The following SNX8 variants were observed in gnomAD, a reference collection of about 807,000 sequenced individuals.
SNX8 encodes the protein sorting nexin-8.
Under a neutral mutation model 51.6 loss-of-function variants are expected in SNX8, and 25 were observed. The ratio of observed to expected loss-of-function variants is 0.48; its 90% CI spans 0.35 to 0.68. The LOEUF (loss-of-function observed/expected upper bound fraction) is 0.68. Among genes scored for constraint, SNX8 ranks in the 30% least tolerant of loss-of-function variants. SNX8 has a pLI of 0.00. For synonymous variants in SNX8, 324 were observed against 277.0 expected, an observed-to-expected ratio of 1.17 and a Z score of -1.68; for missense variants, 695 against 624.0, an observed-to-expected ratio of 1.11 and a Z score of -1.21.
chr7:2,264,991 C>T (rs1433490542), intron 5 of SNX8, among the ~76,000 whole-genome samples: 3 of 152,092 alleles, frequency 2.0e-5, no homozygotes, highest in South Asian at 2.1e-4. Flanking sequence ...GCTGAGATCG[C>T]GCAACCACAC....
intron 1 of SNX8, among the ~76,000 whole-genome samples, chr7:2,340,906 G>C (rs954017729): frequency 6.8e-6 from 1 of 147,262 alleles, no homozygotes; most frequent in East Asian, 2.0e-4. Context: ...ATCAGTACTC[G>C]GGTACAGTGG....
intron 1 of SNX8, among the ~76,000 whole-genome samples, chr7:2,290,783 A>C (rs1562441584): frequency 6.6e-6 from 1 of 152,160 alleles, no homozygotes; most frequent in Non-Finnish European, 1.5e-5. Context: ...TGCCACACTG[A>C]GTCCCGAGAG....
intron 1 of SNX8, among the ~76,000 whole-genome samples, chr7:2,313,693 T>A (rs1562453965): frequency 6.6e-6 from 1 of 150,908 alleles, no homozygotes; most frequent in Admixed American, 6.6e-5. Context: ...CAAGATCCCA[T>A]CTCTACAAAA....
At chr7:2,310,046 G>A in intron 1 of SNX8, 1 of 368,348 alleles carries the variant, frequency 2.7e-6, no homozygotes, top group South Asian at 2.0e-5. Context: ...AGTGAAGCGT[G>A]ACTCACCCTC....
intron 1 of SNX8, among the ~76,000 whole-genome samples, chr7:2,342,050 GA>G (rs1305233939): frequency 6.7e-6 from 1 of 148,782 alleles, no homozygotes; most frequent in Non-Finnish European, 1.5e-5. Context: ...ACAAGATCAG[GA>G]GATTGATCCT....
intron 1 of SNX8, among the ~76,000 whole-genome samples, chr7:2,331,705 A>AAAATAAATAAATAAATAAAT (rs61385746): frequency 1.6e-4 from 23 of 145,604 alleles, no homozygotes; most frequent in African/African-American, 5.8e-4. Context: ...ACTCCGTCTC[A>AAAATAAATAAATAAATAAAT]AAATAAATAA....
rs774313343 is a variant in SNX8 at position 2,275,215 on chromosome 7, C to G, written c.315G>C (p.Ser105=). The G allele has an allele frequency of 4.3e-6, 7 of 1,613,356 alleles. No individual in the cohort carries two copies. Among genetic ancestry groups the G allele is most frequent in the Non-Finnish European group, 5.9e-6 (7 of 1,179,450 alleles). ...YEVSSQRFKS[S]VYRRYNDFVV... is the part of the protein sequence containing the mutation. ...CGAAGTCATTGTACCGTCTGTATAC[C>G]GAGGACTTGAAGCGCTGCAAGAGAA... is the stretch of plus-strand genomic sequence containing the variant. The change falls in exon 3 of 11, where the codon TCG becomes TCC. Residue 105 remains serine (S), a synonymous_variant. Transcript: ENST00000222990.
intron 1 of SNX8, among the ~76,000 whole-genome samples, chr7:2,304,388 C>T (rs1796498020): frequency 7.4e-6 from 1 of 134,644 alleles, no homozygotes; most frequent in African/African-American, 2.7e-5. Context: ...ACTAAAAATA[C>T]AAAAAATTAG....
Position 2,252,144 on chromosome 7 carries a change from C to G in SNX8, c.*2912G>C, listed in dbSNP as rs762491510. 1 of 66,868 alleles carries G rather than the reference C, an allele frequency of 1.5e-5. No individual in the cohort carries two copies. Among genetic ancestry groups the G allele is most frequent in the African/African-American group, 6.3e-5 (1 of 15,812 alleles). 4.1% of individuals were successfully genotyped at this position (66,868 alleles called of 1,614,324 possible). On this transcript the variant is annotated 3_prime_UTR_variant, in exon 11 of 11. Transcript: ENST00000222990. The stretch of plus-strand genomic sequence containing the variant: ...TTCCCACAGCCCCGCCAGCCCACAA[C>G]CCCCCTCCCACGGCCCCGCCAGCCG...
At chr7:2,265,488 T>C (rs953434293) in intron 5 of SNX8, among the ~76,000 whole-genome samples, 4 of 148,582 alleles carry the variant, frequency 2.7e-5, no homozygotes, top group Non-Finnish European at 6.0e-5. Flanking sequence ...TCCCAAAAAA[T>C]CAAAAAATTA....
In SNX8 at chr7:2,254,640, C is replaced by G. The variant is rs1795129895; in HGVS notation, c.*416G>C. The G allele has an allele frequency of 4.9e-6, 1 of 203,178 alleles. No individual in the cohort carries two copies. Among genetic ancestry groups the G allele is most frequent in the South Asian group, 7.7e-5 (1 of 12,994 alleles). 12.6% of individuals were successfully genotyped at this position (203,178 alleles called of 1,614,324 possible). On this transcript the variant is annotated 3_prime_UTR_variant, in exon 11 of 11. Transcript: ENST00000222990. ...GTCCGTGGTCAGTCCCATGCCTGGG[C>G]TGCAGGGCAGCCCTGCCCTCTCTCC...
intron 1 of SNX8, among the ~76,000 whole-genome samples, chr7:2,296,404 C>T (rs1056478035): frequency 1.3e-5 from 2 of 152,094 alleles, no homozygotes; most frequent in African/African-American, 4.8e-5. Context: ...AGATAGCATG[C>T]TACTGATTTG....
At chr7:2,286,107 G>A (rs1796022512) in intron 1 of SNX8, among the ~76,000 whole-genome samples, 1 of 151,654 alleles carries the variant, frequency 6.6e-6, no homozygotes, top group Admixed American at 6.6e-5. Flanking sequence ...CAAGTCCCAG[G>A]TTCAAGCGAT....
At chr7:2,280,755 T>C (rs1795889354) in intron 1 of SNX8, among the ~76,000 whole-genome samples, 1 of 151,752 alleles carries the variant, frequency 6.6e-6, no homozygotes, top group Non-Finnish European at 1.5e-5. Flanking sequence ...ATTAGAAAGC[T>C]ATGCTTTCAA....
intron 1 of SNX8, chr7:2,337,247 G>C (rs1778847873): frequency 6.6e-6 from 1 of 152,216 alleles, no homozygotes; most frequent in Admixed American, 6.6e-5. Flanking sequence ...TTGAGGTCAG[G>C]AGTTCGAGAC....
chr7:2,324,297 T>TC, intron 1 of SNX8, among the ~76,000 whole-genome samples: 1 of 150,556 alleles, frequency 6.6e-6, no homozygotes, highest in Admixed American at 6.6e-5. Flanking sequence ...TTCTTTCTTT[T>TC]TTTTTTTTTT....
upstream of SNX8, among the ~76,000 whole-genome samples, chr7:2,315,397 C>A (rs1796737757): frequency 6.6e-6 from 1 of 151,232 alleles, no homozygotes; most frequent in Admixed American, 6.6e-5. Flanking sequence ...TTCACCCACT[C>A]ACCCACTCAC....
In SNX8 at chr7:2,314,369, G is replaced by C. The variant is rs1350238595; in HGVS notation, c.53C>G (p.Ala18Gly). Residue 18 changes from alanine to glycine, a missense_variant, in exon 1 of 11, where the codon GCT (alanine) becomes GGT (glycine). By Grantham distance (60) the Ala-to-Gly change is moderately conservative (BLOSUM62 0). Coordinates refer to ENST00000222990, the MANE Select transcript of SNX8 (RefSeq NM_013321.4). ...CGCCTCCTCGTCAGCCTCCGCCTCA[G>C]CTGCCGCCCCGACTGCAGCCGCGGG... ...PLPAAAVGAA[A>G]EAEADEEADP... 1 of 1,223,560 alleles carries C rather than the reference G, an allele frequency of 8.2e-7. No individual in the cohort carries two copies. Among genetic ancestry groups the C allele is most frequent in the Non-Finnish European group, 1.0e-6 (1 of 982,256 alleles). 75.8% of individuals were successfully genotyped at this position (1,223,560 alleles called of 1,614,324 possible).
At chr7:2,307,403 CG>C (rs372625970) in intron 1 of SNX8, among the ~76,000 whole-genome samples, 1 of 151,798 alleles carries the variant, frequency 6.6e-6, no homozygotes. Flanking sequence ...GAAGCCAAGG[CG>C]GGGGGATCAC....
Sources: allele counts gnomAD v4.1 joint callset (sites outside exome capture counted in the v4.1 genomes callset), GRCh38; gene constraint gnomAD v4.1.1; transcripts MANE v1.5; gene names NCBI Gene and HGNC (gene_info 2026-07-23, HGNC 2026-07-21).